CDCA2: variants seen among roughly 807,000 people sequenced by gnomAD.
CDCA2 encodes the protein cell division cycle associated 2.
A neutral mutation model predicts 67.0 loss-of-function variants in CDCA2; 44 were observed. The ratio of observed to expected loss-of-function variants is 0.66; its 90% CI spans 0.52 to 0.84. The LOEUF (loss-of-function observed/expected upper bound fraction) is 0.84. Among genes scored for constraint, CDCA2 ranks in the 40% least tolerant of loss-of-function variants. The probability of loss-of-function intolerance (pLI) is 0.00; values close to 1 mark genes in which losing one functional copy is unlikely to be tolerated. For synonymous variants in CDCA2, 447 were observed against 418.7 expected, an observed-to-expected ratio of 1.07 and a Z score of -0.82; for missense variants, 1,253 against 1,203.2, an observed-to-expected ratio of 1.04 and a Z score of -0.61.
At chr8:25,490,120 A>T (rs1803943898) in intron 13 of CDCA2, among the ~76,000 whole-genome samples, 1 of 152,228 alleles carries the variant, frequency 6.6e-6, no homozygotes, top group Non-Finnish European at 1.5e-5. Flanking sequence ...TGATAAAATG[A>T]TGAAAGATTA....
chr8:25,484,323 C>G, intron 10 of CDCA2, 113 bp downstream of exon 10: 2 of 1,353,578 alleles, frequency 1.5e-6, no homozygotes, highest in Non-Finnish European at 2.0e-6. Flanking sequence ...AAATGATATG[C>G]CATGGTTTAA....
rs760870679 is a variant in CDCA2, at chr8:25,507,509, C to T, written c.2843C>T (p.Pro948Leu). The change falls in exon 15 of 15, where the codon CCG becomes CTG. Residue 948 changes from proline to leucine, a missense_variant. By Grantham distance (98) the Pro-to-Leu change is moderately conservative. Transcript: ENST00000330560. ...GAAACTGTGTCCTCCAGACAAAAAC[C>T]GCAGATGGCACCTCCCGTCTCAGAT... Reference protein sequence around the residue: ...IKETVSSRQKPQMAPPVSDPE... With the variant: ...IKETVSSRQKLQMAPPVSDPE... 5.0e-6 allele frequency: 8 copies of T among 1,613,740 alleles called. No homozygotes were observed. Among genetic ancestry groups the T allele is most frequent in the Middle Eastern group, 3.3e-4 (2 of 6,058 alleles).
In CDCA2 at chr8:25,507,144, C is replaced by T; in HGVS notation, c.2478C>T (p.Asp826=). 1 of 1,614,112 alleles carries T rather than the reference C, an allele frequency of 6.2e-7. No individual in the cohort carries two copies. The highest frequency in any genetic ancestry group is 1.7e-5 in the Admixed American group (1 of 60,016). ...GTAGCAGTGTTGTGAGTTGCAGAGA[C>T]AGGAAAGATAGAAGACGTTCCATGT... is the stretch of plus-strand genomic sequence containing the variant. ...MESSSVVSCR[D]RKDRRRSMCY... Residue 826 remains aspartate (D), a synonymous_variant, in exon 15 of 15, where the codon GAC becomes GAT. Transcript: ENST00000330560.
chr8:25,504,982 T>C (rs1461901201), intron 14 of CDCA2, among the ~76,000 whole-genome samples: 1 of 152,242 alleles, frequency 6.6e-6, no homozygotes, highest in African/African-American at 2.4e-5. Context: ...AGTAAAATTT[T>C]CCATGTTGTA....
At position 25,478,888 on chromosome 8, in the gene CDCA2, G is replaced by GTGTATATATATATATATA. The variant is rs1006353040; in HGVS notation, c.821-1024_821-1023insGTATATATATATATATAT. Among the ~76,000 whole-genome samples the GTGTATATATATATATATA allele has an allele frequency of 8.9e-3, 993 of 111,162 alleles. 23 individuals are homozygous for GTGTATATATATATATATA. Among genetic ancestry groups the GTGTATATATATATATATA allele is most frequent in the African/African-American group, 0.038 (949 of 24,766 alleles). 72.9% of individuals were successfully genotyped at this position (111,162 alleles called of 152,430 possible). A position where few individuals can be genotyped will look rare whatever the true frequency, so the allele number is the denominator to read the frequency against. ...TATATTAACTACTTGTTGTGTGTGT[G>GTGTATATATATATATATA]TATATATATATATATATATATATAT... On this transcript the variant is annotated intron_variant, in intron 7 of 14. Transcript: ENST00000330560.
chr8:25,469,080 G>GA (rs942928085), intron 6 of CDCA2, among the ~76,000 whole-genome samples: 2 of 152,266 alleles, frequency 1.3e-5, no homozygotes, highest in African/African-American at 4.8e-5. Context: ...GGTCTCTCGT[G>GA]ACGGACTTTT....
At chr8:25,501,958 C>T (rs1242842002) in intron 13 of CDCA2, among the ~76,000 whole-genome samples, 6 of 152,218 alleles carry the variant, frequency 3.9e-5, no homozygotes, top group African/African-American at 1.2e-4. Context: ...AGTGCAGTGG[C>T]GCGATCTCGG....
rs558477195 is a variant in CDCA2 at position 25,483,280 on chromosome 8, A to G, written c.1033-119A>G. ...AGAACAATTATTGAAAATAAAGGTA[A>G]TCTTTAATACTGGAATATCTATCTG... On this transcript the variant is annotated intron_variant, in intron 8 of 14. Transcript: ENST00000330560. 3.5e-5 allele frequency: 18 copies of G among 509,804 alleles called. 1 individual carries two copies. In the South Asian group the frequency reaches 7.7e-4, roughly 22 times the overall value. 31.6% of individuals were successfully genotyped at this position (509,804 alleles called of 1,614,324 possible).
At chr8:25,477,092 TC>T (rs1180769084) in intron 7 of CDCA2, among the ~76,000 whole-genome samples, 1 of 152,142 alleles carries the variant, frequency 6.6e-6, no homozygotes, top group East Asian at 1.9e-4. Context: ...TCTCCTTGCC[TC>T]CCATTCTTTC....
Position 25,477,461 on chromosome 8 carries a change from C to T in CDCA2, c.821-2452C>T, listed in dbSNP as rs527976732. ...TAAGCCAAAAATCCAAATTCTGTAACTTTTTGAGTGCAAACATGACACTCA... is the reference window on the plus strand; with the variant it reads ...TAAGCCAAAAATCCAAATTCTGTAATTTTTTGAGTGCAAACATGACACTCA... On this transcript the variant is annotated intron_variant, in intron 7 of 14. Coordinates refer to ENST00000330560, the MANE Select transcript of CDCA2 (RefSeq NM_152562.4). Among the ~76,000 whole-genome samples the T allele has an allele frequency of 9.9e-5, 15 of 152,236 alleles. No individual in the cohort carries two copies. The South Asian group carries it at 3.1e-3, about 32-fold the overall frequency.
intron 6 of CDCA2, among the ~76,000 whole-genome samples, chr8:25,469,165 G>A (rs557158206): frequency 3.9e-5 from 6 of 152,308 alleles, no homozygotes; most frequent in African/African-American, 9.6e-5. Flanking sequence ...ACCTAACACC[G>A]TTACAGTTGG....
chr8:25,488,792 A>C, intron 13 of CDCA2, 103 bp downstream of exon 13: 1 of 1,207,278 alleles, frequency 8.3e-7, no homozygotes. Flanking sequence ...TTGACTTTGG[A>C]CCAAGATTAT....
Position 25,507,182 on chromosome 8 carries a change from G to C in CDCA2, c.2516G>C (p.Gly839Ala). 6.2e-7 allele frequency: 1 copy of C among 1,614,170 alleles called. No individual in the cohort carries two copies. ...DRRRSMCYSD[G>A]RSLHLEKNGN... ...AGACGTTCCATGTGTTATTCTGATG[G>C]TCGAAGTTTACATTTGGAAAAAAAT... The change falls in exon 15 of 15, where the codon GGT becomes GCT. Residue 839 changes from glycine (G) to alanine (A), a missense_variant. Transcript: ENST00000330560.
Position 25,467,041 on chromosome 8 carries a change from C to CAAAAAAAAAAAAA in CDCA2, c.538+729_538+741dup. Among the ~76,000 whole-genome samples the CAAAAAAAAAAAAA allele has an allele frequency of 4.1e-5, 2 of 49,176 alleles. 1 individual carries two copies. Among genetic ancestry groups the CAAAAAAAAAAAAA allele is most frequent in the Non-Finnish European group, 6.4e-5 (2 of 31,210 alleles). 32.3% of individuals were successfully genotyped at this position (49,176 alleles called of 152,430 possible). On this transcript the variant is annotated intron_variant, in intron 5 of 14. Coordinates refer to ENST00000330560, the MANE Select transcript of CDCA2 (RefSeq NM_152562.4). ...TGGGCGAAGAAGTGAGAGTCCCTTTCAAAAAAAAAAAAAAAAAAAAAAAAA... is the reference window on the plus strand; with the variant it reads ...TGGGCGAAGAAGTGAGAGTCCCTTTCAAAAAAAAAAAAAAAAAAAAAAAAAAAAAAAAAAAAAA...
chr8:25,495,400 T>TCA (rs1804175467), intron 13 of CDCA2, among the ~76,000 whole-genome samples: 2 of 150,980 alleles, frequency 1.3e-5, no homozygotes, highest in Non-Finnish European at 2.9e-5. Flanking sequence ...ACCTAGAAAT[T>TCA]TGAATATAAG....
At chr8:25,479,887 C>G (rs780423438) in intron 7 of CDCA2, 26 bp from the exon 8 acceptor site, 4 of 1,601,578 alleles carry the variant, frequency 2.5e-6, no homozygotes, top group Non-Finnish European at 3.4e-6. Flanking sequence ...TCTTCTGCCT[C>G]TCAAGTTTAC....
At chr8:25,498,732 C>T (rs1324237957) in intron 13 of CDCA2, among the ~76,000 whole-genome samples, 1 of 152,060 alleles carries the variant, frequency 6.6e-6, no homozygotes, top group East Asian at 1.9e-4. Flanking sequence ...CATAACCCCG[C>T]CTCATCCCCT....
At chr8:25,466,054 C>A (rs1802887145) in intron 4 of CDCA2, 121 bp from the exon 5 acceptor site, 1 of 812,016 alleles carries the variant, frequency 1.2e-6, no homozygotes. Flanking sequence ...TAACTCCTTA[C>A]CGCTGATCTT....
chr8:25,488,824 T>G, intron 13 of CDCA2, 135 bp downstream of exon 13: 46 of 683,098 alleles, frequency 6.7e-5, no homozygotes, highest in East Asian at 9.0e-5. Flanking sequence ...TACCGTGGAG[T>G]AGAATGGGGT....
Sources: allele counts gnomAD v4.1 joint callset (sites outside exome capture counted in the v4.1 genomes callset), GRCh38; gene constraint gnomAD v4.1.1; transcripts MANE v1.5; gene names NCBI Gene and HGNC (gene_info 2026-07-23, HGNC 2026-07-21).